The following SHTN1 variants were observed in gnomAD, a reference collection of about 807,000 sequenced individuals.
SHTN1 encodes shootin 1, also known as shootin-1.
Under a neutral mutation model 83.1 loss-of-function variants are expected in SHTN1, and 42 were observed. The ratio of observed to expected loss-of-function variants is 0.51; its 90% CI spans 0.39 to 0.65. The LOEUF is 0.65. SHTN1 is among the 30% of genes least tolerant of loss of function. The probability of loss-of-function intolerance (pLI) is 0.00; values close to 1 mark genes in which losing one functional copy is unlikely to be tolerated. For synonymous variants in SHTN1, 224 were observed against 247.7 expected (o/e 0.90, Z 0.90); for missense variants, 622 against 737.8 (o/e 0.84, Z 1.82).
intron 9 of SHTN1, among the ~76,000 whole-genome samples, chr10:116,931,738 A>G (rs972049028): frequency 6.6e-6 from 1 of 152,376 alleles, no homozygotes; most frequent in South Asian, 2.1e-4. Flanking sequence ...AATAGTATGC[A>G]TAGTATGATT....
At position 117,005,013 on chromosome 10, in the gene SHTN1, G is replaced by T; in HGVS notation, c.58+9C>A. On this transcript the variant is annotated intron_variant, in intron 1 of 16. Transcript: ENST00000355371. ...GGCTGCCCACACCTGGCGCCCGCGT[G>T]CTGCCTACCTTGCTCCTTCAGACTG... is the stretch of plus-strand genomic sequence containing the variant. 1.9e-6 allele frequency: 3 copies of T among 1,590,056 alleles called. No homozygotes were observed. Among genetic ancestry groups the T allele is most frequent in the Non-Finnish European group, 1.7e-6 (2 of 1,168,782 alleles).
chr10:117,023,235 T>C, intron 2 of SHTN1, among the ~76,000 whole-genome samples: 1 of 152,304 alleles, frequency 6.6e-6, no homozygotes, highest in East Asian at 1.9e-4. Context: ...TCAATAAATA[T>C]TACATAAAAC....
chr10:116,916,882 G>A (rs914832008), intron 12 of SHTN1, among the ~76,000 whole-genome samples: 6 of 152,202 alleles, frequency 3.9e-5, no homozygotes, highest in Non-Finnish European at 7.3e-5. Context: ...CCATTGAAAT[G>A]CTGAGAATTA....
chr10:117,006,534 C>T (rs188117752), upstream of SHTN1, among the ~76,000 whole-genome samples: 1 of 144,198 alleles, frequency 6.9e-6, no homozygotes. Flanking sequence ...CCACTGCACT[C>T]CAGCCTGGGT....
At chr10:116,908,338 G>A (rs1027829656) in intron 14 of SHTN1, among the ~76,000 whole-genome samples, 1 of 151,896 alleles carries the variant, frequency 6.6e-6, no homozygotes, top group Non-Finnish European at 1.5e-5. Context: ...CACTATAATG[G>A]CTTATTTTAT....
chr10:116,939,616 G>C (rs1021052416), intron 9 of SHTN1, among the ~76,000 whole-genome samples: 2 of 152,136 alleles, frequency 1.3e-5, no homozygotes, highest in African/African-American at 4.8e-5. Context: ...CATCTTACCA[G>C]CCACCATATA....
chr10:117,013,245 G>A (rs1852134659), intron 2 of SHTN1, among the ~76,000 whole-genome samples: 1 of 152,064 alleles, frequency 6.6e-6, no homozygotes, highest in South Asian at 2.1e-4. Flanking sequence ...TACCATCTCG[G>A]CTCACTGCAA....
At chr10:117,048,265 C>G (rs1028923955) in intron 2 of SHTN1, among the ~76,000 whole-genome samples, 7 of 152,088 alleles carry the variant, frequency 4.6e-5, no homozygotes, top group Non-Finnish European at 7.3e-5. Context: ...AATAATGACT[C>G]CAGCATAACT....
At chr10:117,049,965 A>C (rs1279333819) in intron 1 of SHTN1, among the ~76,000 whole-genome samples, 1 of 152,198 alleles carries the variant, frequency 6.6e-6, no homozygotes, top group Non-Finnish European at 1.5e-5. Context: ...TAGAAAAAGA[A>C]GGGCAAATCC....
intron 1 of SHTN1, among the ~76,000 whole-genome samples, chr10:117,062,679 C>T (rs531068107): frequency 3.3e-5 from 5 of 152,098 alleles, no homozygotes; most frequent in Non-Finnish European, 5.9e-5. Context: ...GGTAGGTATT[C>T]AACAAAGGGT....
At chr10:116,935,443 T>G in intron 9 of SHTN1, among the ~76,000 whole-genome samples, 1 of 152,198 alleles carries the variant, frequency 6.6e-6, no homozygotes, top group South Asian at 2.1e-4. Flanking sequence ...TTGTCATTGG[T>G]TCTGTTTATG....
chr10:116,900,100 AT>A (rs1480782730), intron 16 of SHTN1, among the ~76,000 whole-genome samples: 4 of 152,296 alleles, frequency 2.6e-5, no homozygotes, highest in Admixed American at 6.5e-5. Context: ...TAAGAAACAG[AT>A]TTTTCCAGAA....
intron 1 of SHTN1, among the ~76,000 whole-genome samples, chr10:117,050,993 G>A (rs1025428200): frequency 6.6e-6 from 1 of 152,172 alleles, no homozygotes; most frequent in Non-Finnish European, 1.5e-5. Flanking sequence ...AGAGATTGAG[G>A]CTGCAGTGAT....
chr10:116,982,679 G>A (rs566923000), intron 1 of SHTN1, among the ~76,000 whole-genome samples: 5 of 152,228 alleles, frequency 3.3e-5, no homozygotes, highest in African/African-American at 7.2e-5. Context: ...TAATCTGGCC[G>A]GGCGCAGTGG....
chr10:117,109,697 T>TGG (rs1403881214), intron 1 of SHTN1, among the ~76,000 whole-genome samples: 1 of 150,790 alleles, frequency 6.6e-6, no homozygotes, highest in Non-Finnish European at 1.5e-5. Context: ...CCCAAGTAGC[T>TGG]GGGACTATAG....
intron 1 of SHTN1, among the ~76,000 whole-genome samples, chr10:117,054,032 C>T (rs964059315): frequency 6.6e-6 from 1 of 152,112 alleles, no homozygotes; most frequent in Non-Finnish European, 1.5e-5. Flanking sequence ...CATAAAATAT[C>T]GAGTAGGAAA....
chr10:116,891,658 G>A (rs1014516920), intron 16 of SHTN1, among the ~76,000 whole-genome samples: 1 of 152,120 alleles, frequency 6.6e-6, no homozygotes. Flanking sequence ...AACAGTAGTG[G>A]CATTACAGCA....
intron 1 of SHTN1, among the ~76,000 whole-genome samples, chr10:117,092,229 T>C (rs1249636040): frequency 2.0e-5 from 3 of 152,224 alleles, no homozygotes; most frequent in African/African-American, 4.8e-5. Context: ...AGCCATGGGC[T>C]TAAATGATCC....
intron 2 of SHTN1, among the ~76,000 whole-genome samples, chr10:117,029,673 T>TCCCTCCA (rs911122371): frequency 6.6e-6 from 1 of 152,046 alleles, no homozygotes; most frequent in African/African-American, 2.4e-5. Context: ...ATGTGGCACC[T>TCCCTCCA]CCCTCCACCT....
Sources: allele counts gnomAD v4.1 joint callset (sites outside exome capture counted in the v4.1 genomes callset), GRCh38; gene constraint gnomAD v4.1.1; transcripts MANE v1.5; gene names NCBI Gene and HGNC (gene_info 2026-07-23, HGNC 2026-07-21).